Variants in RIF1 observed in about 807,000 individuals in gnomAD.
The protein encoded by RIF1 is replication timing regulatory factor 1.
In RIF1, 45 loss-of-function variants were observed where a neutral mutation model predicts 247.1. The ratio of observed to expected loss-of-function variants is 0.18; its 90% CI spans 0.14 to 0.23. The LOEUF is 0.23. Among genes scored for constraint, RIF1 ranks in the 10% least tolerant of loss-of-function variants. The pLI, the probability that RIF1 is intolerant of heterozygous loss-of-function variation, is 1.00. For missense variants in RIF1, 2,967 were observed against 2,862.5 expected (o/e 1.04, Z -0.83); for synonymous variants, 1,087 against 978.8 (o/e 1.11, Z -2.06).
In RIF1 at chr2:151,411,307, A is replaced by G. The variant is rs1191614716; in HGVS notation, c.152A>G (p.Lys51Arg). 1.2e-6 allele frequency: 2 copies of G among 1,603,936 alleles called. No individual in the cohort carries two copies. The highest frequency in any genetic ancestry group is 2.7e-5 in the African/African-American group (2 of 74,526). Residue 51 changes from lysine to arginine, a missense_variant, in exon 3 of 36, where the codon AAA (lysine) becomes AGA (arginine). Lys to Arg is a conservative substitution (Grantham distance 26). This residue lies in a region of RIF1 where 269 missense variants were observed against 288.6 expected (regional missense o/e 0.93). Transcript: ENST00000444746. The stretch of plus-strand genomic sequence containing the variant: ...AAAGAAGTAATTACAGAAATTGAGA[A>G]AAAACTTCCTCGGCTGTACAAAGTT... ...EGKEVITEIE[K>R]KLPRLYKVLK...
At chr2:151,460,658 AT>A (rs1393712652) in intron 26 of RIF1, among the ~76,000 whole-genome samples, 7 of 152,174 alleles carry the variant, frequency 4.6e-5, no homozygotes, top group African/African-American at 1.7e-4. Context: ...GAAAAGTGTT[AT>A]TTTTTAAGAA....
At chr2:151,417,417 T>C (rs904601008) in intron 6 of RIF1, among the ~76,000 whole-genome samples, 1 of 152,202 alleles carries the variant, frequency 6.6e-6, no homozygotes, top group Non-Finnish European at 1.5e-5. Flanking sequence ...TGTTGAATGC[T>C]CTGATTGATG....
chr2:151,486,730 C>T (rs1343103985), downstream of RIF1: 2 of 152,050 alleles, frequency 1.3e-5, no homozygotes, highest in African/African-American at 2.4e-5. Context: ...GGATGAACTT[C>T]AAAAGTAAAG....
At chr2:151,430,446 C>T (rs1317509885) in intron 9 of RIF1, among the ~76,000 whole-genome samples, 1 of 152,044 alleles carries the variant, frequency 6.6e-6, no homozygotes, top group Non-Finnish European at 1.5e-5. Flanking sequence ...CTCAGCCTCC[C>T]AAGTAGCTGG....
intron 9 of RIF1, chr2:151,489,862 A>G: frequency 1.4e-6 from 1 of 722,886 alleles, no homozygotes; most frequent in Non-Finnish European, 2.3e-6. Flanking sequence ...AGCATTATAT[A>G]AAATAGAAGG....
intron 18 of RIF1, 152 bp from the exon 19 acceptor site, chr2:151,445,186 T>C: frequency 1.6e-6 from 1 of 622,510 alleles, no homozygotes; most frequent in South Asian, 1.9e-5. Flanking sequence ...TAAGACTACA[T>C]GCGTAGGTTC....
At chr2:151,424,805 A>T (rs1299742571) in intron 8 of RIF1, among the ~76,000 whole-genome samples, 1 of 136,604 alleles carries the variant, frequency 7.3e-6, no homozygotes, top group African/African-American at 2.9e-5. Context: ...ATTACCTGGG[A>T]CTACCACCCA....
At chr2:151,422,746 G>A (rs764280482) in intron 7 of RIF1, among the ~76,000 whole-genome samples, 3 of 151,716 alleles carry the variant, frequency 2.0e-5, no homozygotes, top group African/African-American at 7.3e-5. Context: ...GAGTGAGGCC[G>A]AGGCAGGTGA....
intron 6 of RIF1, among the ~76,000 whole-genome samples, chr2:151,419,066 T>G (rs1212967254): frequency 6.6e-6 from 1 of 150,642 alleles, no homozygotes; most frequent in Admixed American, 6.6e-5. Context: ...CATTCTACTG[T>G]CTCCCACCTC....
chr2:151,522,709 A>G, the RIF1 span, among the ~76,000 whole-genome samples: 1 of 152,216 alleles, frequency 6.6e-6, no homozygotes, highest in African/African-American at 2.4e-5. Context: ...GACAGAAATA[A>G]TGGCTTGCTG....
chr2:151,441,869 C>A (rs370813704), intron 15 of RIF1, 36 bp from the exon 16 acceptor site: 3 of 939,460 alleles, frequency 3.2e-6, no homozygotes, highest in African/African-American at 1.7e-5. Flanking sequence ...AATATTTTTA[C>A]GGCTAATTTA....
downstream of RIF1, chr2:151,508,176 A>G (rs542731924): frequency 8.2e-6 from 9 of 1,103,944 alleles, no homozygotes; most frequent in South Asian, 1.3e-4. Context: ...GGGACCTAAA[A>G]TAGGCTATTT....
intron 11 of RIF1, chr2:151,501,402 T>C: frequency 6.5e-7 from 1 of 1,548,856 alleles, no homozygotes; most frequent in Non-Finnish European, 8.7e-7. Context: ...GAGCTAAAGT[T>C]TTCTTGATTG....
intron 8 of RIF1, among the ~76,000 whole-genome samples, chr2:151,424,436 A>G (rs937180573): frequency 1.3e-5 from 2 of 152,222 alleles, no homozygotes; most frequent in African/African-American, 4.8e-5. Context: ...ATGTCATAAC[A>G]TATATTAAAG....
At chr2:151,502,824 C>G (rs759929179) in intron 11 of RIF1, 1 of 1,607,604 alleles carries the variant, frequency 6.2e-7, no homozygotes, top group Non-Finnish European at 8.5e-7. Context: ...GCGTTTGACT[C>G]TCTCCATCTC....
rs1696848126 is a variant in RIF1, at chr2:151,466,219, A to G, written c.6600+99A>G. Reference sequence around the variant, plus strand: ...GTGAATGACAAAATATTACAATTATATGGCCACTCATTTGATTATTTACCA... The same window carrying G: ...GTGAATGACAAAATATTACAATTATGTGGCCACTCATTTGATTATTTACCA... On this transcript the variant is annotated intron_variant, in intron 30 of 35. Transcript: ENST00000444746. 5.9e-6 allele frequency: 4 copies of G among 676,238 alleles called. No individual in the cohort carries two copies. In the South Asian group the frequency reaches 6.2e-5, roughly 11 times the overall value. The allele number at this position is 676,238 out of a possible 1,614,324, so 41.9% of individuals were successfully genotyped here. A position where few individuals can be genotyped will look rare whatever the true frequency, so the allele number is the denominator to read the frequency against.
In RIF1 at chr2:151,464,010, C is replaced by T. The variant is rs750134324; in HGVS notation, c.4490C>T (p.Ala1497Val). ...ACTCTTGGGGAAACTAGTGCTAATG[C>T]AGAAACTGAACAAAATAAAAAAAAG... The part of the protein sequence containing the change: ...EKTLGETSAN[A>V]ETEQNKKKAD... Residue 1497 changes from alanine to valine, a missense_variant, in exon 30 of 36, where the codon GCA (alanine) becomes GTA (valine). By Grantham distance (64) the Ala-to-Val change is moderately conservative. Transcript: ENST00000444746. The T allele has an allele frequency of 1.2e-6, 2 of 1,609,660 alleles. No individual in the cohort carries two copies. Among genetic ancestry groups the T allele is most frequent in the Non-Finnish European group, 1.7e-6 (2 of 1,179,018 alleles).
intron 9 of RIF1, chr2:151,493,366 T>C (rs2058034668): frequency 1.1e-5 from 17 of 1,611,752 alleles, no homozygotes; most frequent in Non-Finnish European, 1.4e-5. Flanking sequence ...GCTAATGTTT[T>C]CTTGGTTGCG....
rs568557026 is a variant in RIF1, at chr2:151,507,944, G to C, written c.*1243G>C. The C allele has an allele frequency of 1.2e-5, 14 of 1,182,914 alleles. No individual in the cohort carries two copies. In the East Asian group the frequency reaches 2.8e-4, roughly 23 times the overall value. 73.3% of individuals were successfully genotyped at this position (1,182,914 alleles called of 1,614,324 possible). ...CACTGCAAGCCTGGGATATCCAGAG[G>C]CATCTTCCTCAGCACCCCTAGGTGC... On this transcript the variant is annotated 3_prime_UTR_variant and NMD_transcript_variant, in exon 14 of 14. Transcript: ENST00000454583.
Sources: allele counts gnomAD v4.1 joint callset (sites outside exome capture counted in the v4.1 genomes callset), GRCh38; gene constraint gnomAD v4.1.1; regional missense constraint gnomAD v4.1.1; transcripts MANE v1.5; gene names NCBI Gene and HGNC (gene_info 2026-07-23, HGNC 2026-07-21).